PCDH15: variants seen among roughly 807,000 people sequenced by gnomAD.
PCDH15 encodes the protein protocadherin-15.
PCDH15 carries 129 observed loss-of-function variants against 178.5 expected under a neutral mutation model. The observed-to-expected ratio is 0.72, with a 90% CI of 0.63 to 0.84. The LOEUF (loss-of-function observed/expected upper bound fraction) is 0.84. Ranked by LOEUF, PCDH15 falls within the 40% of genes least tolerant of loss-of-function variation. The pLI is 0.00. For synonymous variants in PCDH15, 800 were observed against 732.0 expected (o/e 1.09, Z -1.50); for missense variants, 2,230 against 2,099.9 (o/e 1.06, Z -1.21).
intron 25 of PCDH15, among the ~76,000 whole-genome samples, chr10:53,935,638 G>A (rs554713526): frequency 3.9e-5 from 6 of 152,244 alleles, no homozygotes; most frequent in South Asian, 4.1e-4. Flanking sequence ...GAGTAGTTCC[G>A]ACAGAGACCA....
intron 3 of PCDH15, chr10:54,486,111 G>A (rs779065103): frequency 6.6e-6 from 1 of 151,940 alleles, no homozygotes; most frequent in Non-Finnish European, 1.5e-5. Flanking sequence ...AGACTGTGAA[G>A]CCACATTGAT....
At chr10:54,887,799 T>C (rs961710073) in intron 3 of PCDH15, among the ~76,000 whole-genome samples, 1 of 151,790 alleles carries the variant, frequency 6.6e-6, no homozygotes, top group African/African-American at 2.4e-5. Context: ...TAGTTAATTA[T>C]AGGAAAAGAA....
At chr10:54,622,744 TTA>T (rs1210714039) in intron 2 of PCDH15, among the ~76,000 whole-genome samples, 1 of 113,974 alleles carries the variant, frequency 8.8e-6, no homozygotes, top group Non-Finnish European at 1.7e-5. Flanking sequence ...TATATATATA[TTA>T]TATATAATTA....
intron 2 of PCDH15, among the ~76,000 whole-genome samples, chr10:54,651,788 T>C (rs1463089059): frequency 6.6e-6 from 1 of 152,202 alleles, no homozygotes; most frequent in South Asian, 2.1e-4. Context: ...TTACTTATAT[T>C]TCACTGCCCA....
intron 1 of PCDH15, among the ~76,000 whole-genome samples, chr10:55,266,473 A>G (rs1342198053): frequency 6.6e-6 from 1 of 152,164 alleles, no homozygotes; most frequent in East Asian, 1.9e-4. Flanking sequence ...GTCCCTCGTG[A>G]GGGCTCCCAT....
chr10:54,645,513 G>T (rs2094111828), intron 2 of PCDH15, among the ~76,000 whole-genome samples: 1 of 152,016 alleles, frequency 6.6e-6, no homozygotes, highest in African/African-American at 2.4e-5. Flanking sequence ...AAAAATAAAA[G>T]TACAGATACC....
chr10:55,432,301 T>A (rs989501765), intron 2 of PCDH15, among the ~76,000 whole-genome samples: 2 of 152,208 alleles, frequency 1.3e-5, no homozygotes, highest in African/African-American at 4.8e-5. Context: ...GGCTGAGATA[T>A]GAAGTCATAG....
intron 17 of PCDH15, among the ~76,000 whole-genome samples, chr10:54,069,563 T>C (rs1262095428): frequency 1.3e-5 from 2 of 152,208 alleles, no homozygotes; most frequent in African/African-American, 4.8e-5. Context: ...CCAGTTTATA[T>C]ATTTCTTGAA....
chr10:54,532,018 T>C (rs976034461), intron 2 of PCDH15, among the ~76,000 whole-genome samples: 5 of 152,190 alleles, frequency 3.3e-5, no homozygotes, highest in African/African-American at 1.2e-4. Context: ...TTGAATTTAA[T>C]TCCTAAAGAA....
At chr10:55,195,458 T>C (rs925153360) in intron 1 of PCDH15, among the ~76,000 whole-genome samples, 7 of 140,684 alleles carry the variant, frequency 5.0e-5, no homozygotes, top group Admixed American at 3.0e-4. Context: ...CTGGCCAAGA[T>C]GGTGAAACCC....
rs2093023071 is a variant in PCDH15, at chr10:54,024,491, A to T, written c.2221-1294T>A. 2.6e-5 allele frequency among the ~76,000 whole-genome samples: 4 copies of T among 152,150 alleles called. No homozygotes were observed. In the South Asian group the frequency reaches 8.3e-4, roughly 32 times the overall value. On this transcript the variant is annotated intron_variant, in intron 18 of 37. Coordinates refer to ENST00000644397, the MANE Select transcript of PCDH15 (RefSeq NM_001384140.1). Reference sequence around the variant, plus strand: ...CAATGGTAAAGCATGCAGAATGGGGATGCTGAATATTTGCATCTTCTTTGA... The same window carrying T: ...CAATGGTAAAGCATGCAGAATGGGGTTGCTGAATATTTGCATCTTCTTTGA...
Position 55,009,198 on chromosome 10 carries a change from G to A in PCDH15, c.-79-111698C>T, listed in dbSNP as rs559533319. 3.3e-5 allele frequency among the ~76,000 whole-genome samples: 5 copies of A among 152,004 alleles called. No homozygotes were observed. In the South Asian group the frequency reaches 1.0e-3, roughly 32 times the overall value. The stretch of plus-strand genomic sequence containing the variant: ...TCAACCTTAACAAAAACAGTCTTGT[G>A]TTGTGAAGACAAGAATTATTTCCTG... On this transcript the variant is annotated intron_variant, in intron 2 of 5. Transcript: ENST00000458638.
At chr10:55,465,447 C>A (rs1437432330) in intron 2 of PCDH15, among the ~76,000 whole-genome samples, 2 of 152,086 alleles carry the variant, frequency 1.3e-5, no homozygotes, top group African/African-American at 4.8e-5. Flanking sequence ...GTTCTCAGAC[C>A]TGGCTGCAAC....
intron 1 of PCDH15, among the ~76,000 whole-genome samples, chr10:54,678,877 T>C (rs1439064595): frequency 2.6e-5 from 4 of 152,332 alleles, no homozygotes; most frequent in Non-Finnish European, 1.5e-5. Context: ...ATAACACTTA[T>C]GTAATCAATG....
chr10:55,494,579 T>C (rs554580400), intron 2 of PCDH15, among the ~76,000 whole-genome samples: 59 of 151,880 alleles, frequency 3.9e-4, no homozygotes, highest in African/African-American at 1.3e-3. Flanking sequence ...TTTATTCCAT[T>C]TAATAACTTT....
intron 32 of PCDH15, among the ~76,000 whole-genome samples, chr10:53,824,519 C>CAAAG (rs1452980654): frequency 7.2e-5 from 11 of 152,176 alleles, no homozygotes; most frequent in African/African-American, 2.6e-4. Context: ...TGTCTTTTGG[C>CAAAG]AAAGATACGA....
At chr10:54,686,775 G>A (rs61855883) in intron 1 of PCDH15, among the ~76,000 whole-genome samples, 1,636 of 152,148 alleles carry the variant, frequency 0.011, 21 homozygotes, top group Non-Finnish European at 0.015. Context: ...TGTACAAGTG[G>A]TACTATATCA....
intron 20 of PCDH15, among the ~76,000 whole-genome samples, chr10:54,008,718 TC>T (rs917462226): frequency 4.1e-4 from 27 of 65,926 alleles, no homozygotes; most frequent in African/African-American, 2.5e-3. Flanking sequence ...TAATAGCAAG[TC>T]TTTTTTTTCT....
At chr10:54,993,684 G>A (rs1839567595) in intron 2 of PCDH15, among the ~76,000 whole-genome samples, 1 of 152,060 alleles carries the variant, frequency 6.6e-6, no homozygotes, top group South Asian at 2.1e-4. Context: ...AAAAACACAA[G>A]TGAGGTAGAG....
Sources: allele counts gnomAD v4.1 joint callset (sites outside exome capture counted in the v4.1 genomes callset), GRCh38; gene constraint gnomAD v4.1.1; transcripts MANE v1.5; gene names NCBI Gene and HGNC (gene_info 2026-07-23, HGNC 2026-07-21).